The following DLGAP1 variants were observed in gnomAD, a reference collection of about 807,000 sequenced individuals.
DLGAP1 encodes disks large-associated protein 1.
A neutral mutation model predicts 90.8 loss-of-function variants in DLGAP1; 11 were observed. The ratio of observed to expected loss-of-function variants is 0.12; its 90% CI spans 0.08 to 0.20. The LOEUF (loss-of-function observed/expected upper bound fraction) is 0.20, where lower values mean the gene tolerates loss of function less well. DLGAP1 is among the 10% of genes least tolerant of loss of function. DLGAP1 has a pLI of 1.00. For synonymous variants in DLGAP1, 558 were observed against 540.7 expected, an observed-to-expected ratio of 1.03 and a Z score of -0.44; for missense variants, 1,050 against 1,333.8, an observed-to-expected ratio of 0.79 and a Z score of 3.31.
chr18:4,431,890 G>A (rs1303334594), intron 1 of DLGAP1, among the ~76,000 whole-genome samples: 2 of 152,146 alleles, frequency 1.3e-5, no homozygotes, highest in Non-Finnish European at 2.9e-5. Context: ...AACTTGTTGA[G>A]AACAGTGCCA....
intron 7 of DLGAP1, among the ~76,000 whole-genome samples, chr18:3,705,543 G>A (rs971083033): frequency 1.3e-5 from 2 of 151,594 alleles, no homozygotes; most frequent in Non-Finnish European, 2.9e-5. Context: ...ACCCCAAGGA[G>A]CATTAAAATA....
At chr18:3,643,111 A>C (rs768485765) in intron 7 of DLGAP1, among the ~76,000 whole-genome samples, 11 of 152,216 alleles carry the variant, frequency 7.2e-5, no homozygotes, top group Non-Finnish European at 1.6e-4. Context: ...CAACCCTAGC[A>C]AAGAAGGAAG....
intron 10 of DLGAP1, among the ~76,000 whole-genome samples, chr18:3,531,129 AT>A (rs2051963377): frequency 6.6e-6 from 1 of 152,176 alleles, no homozygotes; most frequent in Non-Finnish European, 1.5e-5. Context: ...TTTATAGTAG[AT>A]GTTAAATCTA....
chr18:4,200,290 T>A lies in DLGAP1; in HGVS notation c.-266-49003A>T, dbSNP rs887136405. ...CCACTCTTTCAGAAATATGCCCTCA[T>A]AATTTCAGTTATTCACATAGATTCT... is the stretch of plus-strand genomic sequence containing the variant. On this transcript the variant is annotated intron_variant, in intron 1 of 12. Coordinates refer to ENST00000315677, the MANE Select transcript of DLGAP1 (RefSeq NM_004746.4). 7.5e-4 allele frequency among the ~76,000 whole-genome samples: 114 copies of A among 152,028 alleles called. 2 individuals are homozygous for A. The highest frequency in any genetic ancestry group is 2.7e-3 in the African/African-American group (111 of 41,464).
chr18:4,425,160 CA>C (rs1382681389), intron 1 of DLGAP1, among the ~76,000 whole-genome samples: 1 of 151,144 alleles, frequency 6.6e-6, no homozygotes, highest in East Asian at 1.9e-4. Flanking sequence ...ATTTCAAAAC[CA>C]AAAAAAATTG....
chr18:4,182,712 T>C (rs1386339109), intron 1 of DLGAP1, among the ~76,000 whole-genome samples: 1 of 152,102 alleles, frequency 6.6e-6, no homozygotes, highest in Non-Finnish European at 1.5e-5. Flanking sequence ...TTATCAGGGT[T>C]GAGATAATAA....
At chr18:3,567,407 T>A (rs767452088) in intron 9 of DLGAP1, 83 bp downstream of exon 9, 2 of 1,182,050 alleles carry the variant, frequency 1.7e-6, no homozygotes, top group Non-Finnish European at 2.5e-6. Context: ...ATCATTGAAT[T>A]TTGTAGACTT....
At chr18:3,927,191 G>A (rs1200416889) in intron 3 of DLGAP1, among the ~76,000 whole-genome samples, 1 of 152,194 alleles carries the variant, frequency 6.6e-6, no homozygotes, top group African/African-American at 2.4e-5. Context: ...ATTGATTCAG[G>A]CAACAGTAAT....
chr18:3,634,996 G>C (rs2058645748), intron 7 of DLGAP1, among the ~76,000 whole-genome samples: 1 of 152,180 alleles, frequency 6.6e-6, no homozygotes, highest in Non-Finnish European at 1.5e-5. Context: ...GCAGGGTTTG[G>C]AATGAAGCAG....
At chr18:3,611,816 C>T (rs2057647459) in intron 7 of DLGAP1, among the ~76,000 whole-genome samples, 1 of 152,208 alleles carries the variant, frequency 6.6e-6, no homozygotes, top group African/African-American at 2.4e-5. Flanking sequence ...CCATAGTCAG[C>T]ACTAATTATT....
At chr18:3,598,800 CTG>C (rs1457869857) in intron 7 of DLGAP1, among the ~76,000 whole-genome samples, 5 of 144,974 alleles carry the variant, frequency 3.4e-5, no homozygotes, top group African/African-American at 1.3e-4. Flanking sequence ...CCCTTAAAGA[CTG>C]TATTTATTTA....
At chr18:3,917,331 C>T (rs1416986949) in intron 3 of DLGAP1, among the ~76,000 whole-genome samples, 1 of 152,120 alleles carries the variant, frequency 6.6e-6, no homozygotes, top group African/African-American at 2.4e-5. Context: ...GGCTGAGGAC[C>T]CTGCAGACGG....
intron 2 of DLGAP1, among the ~76,000 whole-genome samples, chr18:4,064,117 G>T (rs2075338046): frequency 6.6e-6 from 1 of 151,962 alleles, no homozygotes; most frequent in African/African-American, 2.4e-5. Flanking sequence ...ATATTCTAGA[G>T]AAATCATCTG....
rs1490571970 is a variant in DLGAP1 at position 4,383,713 on chromosome 18, C to A, written c.-267+71293G>T. ...CCTTTTGATAACCCACATAATATGA[C>A]CATGTGACTGTTTTAAGTAACCAAA... On this transcript the variant is annotated intron_variant, in intron 1 of 12. Transcript: ENST00000315677. This position sits in a 1 kb window ranked among gnomAD's most constrained non-coding sequence, Gnocchi z 4.0. Among the ~76,000 whole-genome samples the A allele has an allele frequency of 2.0e-5, 3 of 152,006 alleles. No individual in the cohort carries two copies. Among genetic ancestry groups the A allele is most frequent in the Non-Finnish European group, 4.4e-5 (3 of 67,982 alleles).
intron 1 of DLGAP1, among the ~76,000 whole-genome samples, chr18:4,175,542 T>C (rs751776188): frequency 6.6e-6 from 1 of 152,212 alleles, no homozygotes; most frequent in Non-Finnish European, 1.5e-5. Flanking sequence ...AGGGTTTTTA[T>C]GGTTTTTGCT....
chr18:3,897,858 A>C (rs182538123), intron 3 of DLGAP1, among the ~76,000 whole-genome samples: 436 of 139,230 alleles, frequency 3.1e-3, no homozygotes, highest in African/African-American at 0.011. Flanking sequence ...GCAGTGGCGC[A>C]ATCTCGGCTC....
intron 1 of DLGAP1, among the ~76,000 whole-genome samples, chr18:4,441,307 T>C (rs2083530879): frequency 1.3e-5 from 2 of 152,230 alleles, no homozygotes; most frequent in African/African-American, 4.8e-5. Context: ...GGCAAGCAGA[T>C]GGTCACACCC....
intron 7 of DLGAP1, among the ~76,000 whole-genome samples, chr18:3,601,004 A>C (rs2056976606): frequency 1.5e-5 from 2 of 135,654 alleles, no homozygotes; most frequent in South Asian, 4.4e-4. Flanking sequence ...AGATATATAG[A>C]TATAGATAGA....
rs571882159 is a variant in DLGAP1, at chr18:4,019,812, C to T, written c.-158-14611G>A. Among the ~76,000 whole-genome samples, 12 of 140,964 alleles carry T rather than the reference C, an allele frequency of 8.5e-5. 1 individual carries two copies. In the South Asian group the frequency reaches 2.8e-3, roughly 32 times the overall value. 92.5% of individuals were successfully genotyped at this position (140,964 alleles called of 152,430 possible). A position where few individuals can be genotyped will look rare whatever the true frequency, so the allele number is the denominator to read the frequency against. On this transcript the variant is annotated intron_variant, in intron 2 of 12. Coordinates refer to ENST00000315677, the MANE Select transcript of DLGAP1 (RefSeq NM_004746.4). ...CGAGACACATAGGCGCGCGCGTGTG[C>T]GCGCACACACACACACATACACACG...
Sources: gnomAD v4.1 joint callset for allele counts (sites outside exome capture counted in the v4.1 genomes callset) on GRCh38, gnomAD v4.1.1 for gene constraint, Gnocchi (gnomAD v3.1) non-coding constraint, MANE v1.5 for transcripts, NCBI Gene and HGNC (gene_info 2026-07-23, HGNC 2026-07-21) for gene names.